The following ZDHHC14 variants were observed in gnomAD, a reference collection of about 807,000 sequenced individuals.
ZDHHC14 encodes the protein zDHHC palmitoyltransferase 14.
A neutral mutation model predicts 47.7 loss-of-function variants in ZDHHC14; 16 were observed. The ratio of observed to expected loss-of-function variants is 0.34; its 90% CI spans 0.23 to 0.51. The LOEUF (loss-of-function observed/expected upper bound fraction) is 0.51. Among genes scored for constraint, ZDHHC14 ranks in the 20% least tolerant of loss-of-function variants. The pLI, the probability that ZDHHC14 is intolerant of heterozygous loss-of-function variation, is 0.97. For synonymous variants in ZDHHC14, 293 were observed against 278.9 expected (o/e 1.05, Z -0.50); for missense variants, 515 against 662.5 (o/e 0.78, Z 2.44).
intron 3 of ZDHHC14, among the ~76,000 whole-genome samples, chr6:157,608,170 C>T (rs188655636): frequency 2.6e-5 from 4 of 152,308 alleles, no homozygotes; most frequent in South Asian, 2.1e-4. Flanking sequence ...ATGGATTTGC[C>T]GTCATGCTGT....
intron 1 of ZDHHC14, among the ~76,000 whole-genome samples, chr6:157,467,252 C>T (rs1779240929): frequency 6.6e-6 from 1 of 152,132 alleles, no homozygotes; most frequent in African/African-American, 2.4e-5. Context: ...AACTATCACT[C>T]TTCTCTAGTT....
chr6:157,442,441 T>C (rs550488009), intron 1 of ZDHHC14, among the ~76,000 whole-genome samples: 3 of 152,188 alleles, frequency 2.0e-5, no homozygotes, highest in Non-Finnish European at 4.4e-5. Flanking sequence ...GTAGGAACTA[T>C]GGCTGTTACT....
intron 1 of ZDHHC14, among the ~76,000 whole-genome samples, chr6:157,492,394 T>C (rs1188649328): frequency 6.6e-6 from 1 of 151,928 alleles, no homozygotes; most frequent in Admixed American, 6.6e-5. Context: ...CCCTTCCCCT[T>C]CAGCCACCAC....
chr6:157,585,965 G>A (rs980311777), intron 2 of ZDHHC14, among the ~76,000 whole-genome samples: 1 of 152,246 alleles, frequency 6.6e-6, no homozygotes, highest in African/African-American at 2.4e-5. Flanking sequence ...GGGTGGAGGT[G>A]CGGGAGCATG....
intron 5 of ZDHHC14, among the ~76,000 whole-genome samples, chr6:157,634,893 G>A (rs886762275): frequency 2.0e-5 from 3 of 152,194 alleles, no homozygotes; most frequent in African/African-American, 7.2e-5. Context: ...CTTGTGTCTG[G>A]CCTGCTGGCG....
chr6:157,428,480 C>T (rs1172756931), intron 1 of ZDHHC14, among the ~76,000 whole-genome samples: 5 of 152,102 alleles, frequency 3.3e-5, no homozygotes, highest in East Asian at 1.9e-4. Flanking sequence ...AAAAAATCTC[C>T]GGCAAACAAG....
chr6:157,558,659 A>G (rs1185040182), intron 2 of ZDHHC14, among the ~76,000 whole-genome samples: 1 of 152,044 alleles, frequency 6.6e-6, no homozygotes, highest in Non-Finnish European at 1.5e-5. Flanking sequence ...TGGGATCCTC[A>G]TTTCAGGCCC....
At chr6:157,440,455 G>T (rs1300064887) in intron 1 of ZDHHC14, among the ~76,000 whole-genome samples, 1 of 152,208 alleles carries the variant, frequency 6.6e-6, no homozygotes, top group Non-Finnish European at 1.5e-5. Flanking sequence ...TACATTGCTG[G>T]TGGGAATGTA....
intron 2 of ZDHHC14, among the ~76,000 whole-genome samples, chr6:157,569,629 C>G (rs1783026183): frequency 6.6e-6 from 1 of 151,978 alleles, no homozygotes; most frequent in Non-Finnish European, 1.5e-5. Flanking sequence ...TTTCTATTAG[C>G]ATTGTAATAG....
intron 3 of ZDHHC14, among the ~76,000 whole-genome samples, chr6:157,611,459 T>C (rs554579137): frequency 6.6e-6 from 1 of 152,208 alleles, no homozygotes; most frequent in Non-Finnish European, 1.5e-5. Flanking sequence ...TACAGTTTTT[T>C]GGAGAGAGCA....
intron 2 of ZDHHC14, among the ~76,000 whole-genome samples, chr6:157,556,454 C>G (rs1342341849): frequency 2.6e-5 from 4 of 152,240 alleles, no homozygotes; most frequent in African/African-American, 9.6e-5. Context: ...AACTAGTAAT[C>G]AGCAGAGCAC....
intron 7 of ZDHHC14, among the ~76,000 whole-genome samples, chr6:157,648,519 A>T (rs1777668981): frequency 6.6e-6 from 1 of 152,156 alleles, no homozygotes; most frequent in African/African-American, 2.4e-5. Flanking sequence ...CCGTGGTGCT[A>T]CTGCAAAACT....
intron 3 of ZDHHC14, among the ~76,000 whole-genome samples, chr6:157,617,746 C>G (rs138744865): frequency 6.6e-6 from 1 of 152,078 alleles, no homozygotes; most frequent in Non-Finnish European, 1.5e-5. Context: ...CATGAAAGAA[C>G]ATAAGAGTCA....
chr6:157,589,924 G>T (rs1186548079), intron 2 of ZDHHC14, among the ~76,000 whole-genome samples: 1 of 152,214 alleles, frequency 6.6e-6, no homozygotes, highest in Non-Finnish European at 1.5e-5. Context: ...TGACCAAAAT[G>T]CTGATAGTGA....
chr6:157,619,506 G>A (rs577152353), intron 3 of ZDHHC14, among the ~76,000 whole-genome samples: 17 of 152,336 alleles, frequency 1.1e-4, no homozygotes, highest in Admixed American at 2.6e-4. Flanking sequence ...GTCAAGCTCC[G>A]TCATTTCATG....
intron 1 of ZDHHC14, among the ~76,000 whole-genome samples, chr6:157,538,851 G>A (rs967219003): frequency 6.6e-6 from 1 of 152,198 alleles, no homozygotes; most frequent in African/African-American, 2.4e-5. Context: ...GGCTGGACAG[G>A]CAGCGCTGGC....
chr6:157,655,997 GCAAA>G (rs1442426176), intron 8 of ZDHHC14, among the ~76,000 whole-genome samples: 1 of 152,240 alleles, frequency 6.6e-6, no homozygotes, highest in Non-Finnish European at 1.5e-5. Context: ...CATCAATTCA[GCAAA>G]CAGTTATTGA....
At chr6:157,440,443 T>A (rs1778538838) in intron 1 of ZDHHC14, among the ~76,000 whole-genome samples, 1 of 152,168 alleles carries the variant, frequency 6.6e-6, no homozygotes, top group African/African-American at 2.4e-5. Context: ...CTAGAAACCT[T>A]GTACATTGCT....
At position 157,540,959 on chromosome 6, in the gene ZDHHC14, C is replaced by G. The variant is rs975866288; in HGVS notation, c.246-1626C>G. Among the ~76,000 whole-genome samples, 9 of 139,292 alleles carry G rather than the reference C, an allele frequency of 6.5e-5. 1 individual carries two copies. Among genetic ancestry groups the G allele is most frequent in the African/African-American group, 2.7e-4 (9 of 33,676 alleles). The allele number at this position is 139,292 out of a possible 152,430, so 91.4% of individuals were successfully genotyped here. A position where few individuals can be genotyped will look rare whatever the true frequency, so the allele number is the denominator to read the frequency against. On this transcript the variant is annotated intron_variant, in intron 1 of 8. Coordinates refer to ENST00000359775, the MANE Select transcript of ZDHHC14 (RefSeq NM_024630.3). ...AATTTCATACCAGGGTAATTTCATG[C>G]CTTCAATGTAGACTGTGTTTCTTTT...
Sources: gnomAD v4.1 joint callset for allele counts (sites outside exome capture counted in the v4.1 genomes callset) on GRCh38, gnomAD v4.1.1 for gene constraint, MANE v1.5 for transcripts, NCBI Gene and HGNC (gene_info 2026-07-23, HGNC 2026-07-21) for gene names.